OPCML: variants seen among roughly 807,000 people sequenced by gnomAD.
OPCML encodes opioid binding protein/cell adhesion molecule like.
In OPCML, 13 loss-of-function variants were observed where a neutral mutation model predicts 37.8. That is an observed-to-expected ratio of 0.34 (90% CI 0.22 to 0.55). The LOEUF (loss-of-function observed/expected upper bound fraction) is 0.55. Among genes scored for constraint, OPCML ranks in the 20% least tolerant of loss-of-function variants. The pLI, the probability that OPCML is intolerant of heterozygous loss-of-function variation, is 0.91. For synonymous variants in OPCML, 176 were observed against 168.8 expected (o/e 1.04, Z -0.33); for missense variants, 341 against 435.6 (o/e 0.78, Z 1.93).
At chr11:133,478,646 G>A (rs1947299319) in intron 1 of OPCML, among the ~76,000 whole-genome samples, 2 of 152,192 alleles carry the variant, frequency 1.3e-5, no homozygotes, top group Admixed American at 6.5e-5. Flanking sequence ...TTGAAGTACA[G>A]GATCTACTTC....
intron 1 of OPCML, among the ~76,000 whole-genome samples, chr11:133,518,701 A>G (rs1435533158): frequency 6.8e-6 from 1 of 146,024 alleles, no homozygotes; most frequent in Non-Finnish European, 1.5e-5. Flanking sequence ...TGGCGTGGGC[A>G]GTGGCAGGTG....
intron 1 of OPCML, among the ~76,000 whole-genome samples, chr11:132,995,910 A>G (rs1367091567): frequency 6.6e-6 from 1 of 152,232 alleles, no homozygotes; most frequent in African/African-American, 2.4e-5. Context: ...TGGAAAACAC[A>G]CAGGCTCTTG....
intron 1 of OPCML, among the ~76,000 whole-genome samples, chr11:133,294,787 C>CTTTTTTTTTT (rs5795836): frequency 9.1e-6 from 1 of 109,326 alleles, no homozygotes; most frequent in South Asian, 3.1e-4. Context: ...CAGAAACTTT[C>CTTTTTTTTTT]TTTTTTTTTT....
intron 2 of OPCML, among the ~76,000 whole-genome samples, chr11:132,821,741 CCT>C (rs1050763176): frequency 2.6e-5 from 4 of 152,122 alleles, no homozygotes; most frequent in African/African-American, 9.7e-5. Context: ...TATCTTCCCC[CCT>C]CTTTCCATCT....
At chr11:132,487,392 T>C (rs928845969) in intron 4 of OPCML, among the ~76,000 whole-genome samples, 1 of 152,190 alleles carries the variant, frequency 6.6e-6, no homozygotes, top group Non-Finnish European at 1.5e-5. Context: ...ATCTCCAACA[T>C]ACCCATGGGC....
chr11:132,587,736 G>T (rs2096476156), intron 3 of OPCML, among the ~76,000 whole-genome samples: 1 of 152,144 alleles, frequency 6.6e-6, no homozygotes, highest in Non-Finnish European at 1.5e-5. Flanking sequence ...CTTTTCTAAA[G>T]CTCCTCCCCT....
At chr11:132,574,083 A>C (rs979679237) in intron 3 of OPCML, among the ~76,000 whole-genome samples, 6 of 151,714 alleles carry the variant, frequency 4.0e-5, no homozygotes, top group African/African-American at 7.3e-5. Context: ...CTCTTCTTTC[A>C]ATTATGATTT....
chr11:132,727,519 C>T (rs566191308), intron 2 of OPCML, among the ~76,000 whole-genome samples: 2 of 152,288 alleles, frequency 1.3e-5, no homozygotes, highest in Admixed American at 6.5e-5. Flanking sequence ...ACGGAAGCCC[C>T]AGCTGCTCTC....
At chr11:132,966,272 G>T (rs536552967) in intron 1 of OPCML, among the ~76,000 whole-genome samples, 1 of 152,036 alleles carries the variant, frequency 6.6e-6, no homozygotes, top group East Asian at 1.9e-4. Flanking sequence ...AATTACCCTT[G>T]TGATTGTTTT....
intron 2 of OPCML, among the ~76,000 whole-genome samples, chr11:132,909,849 G>C (rs1944364078): frequency 6.6e-6 from 1 of 152,212 alleles, no homozygotes; most frequent in African/African-American, 2.4e-5. Context: ...GAGGCTTCTA[G>C]AATCTCCTGC....
chr11:133,400,014 G>A (rs1945368359), intron 1 of OPCML, among the ~76,000 whole-genome samples: 1 of 151,984 alleles, frequency 6.6e-6, no homozygotes, highest in African/African-American at 2.4e-5. Flanking sequence ...AAAGTAAGAG[G>A]GCCACCTGTC....
In OPCML at chr11:132,446,103, C is replaced by CTTTTTTTTTT. The variant is rs58784534; in HGVS notation, c.506-8754_506-8745dup. ...GTGTTTAGCTTGGCTCTGCTTGTGT[C>CTTTTTTTTTT]TTTTTTTTTTTTTTTTTTTTTTTTT... On this transcript the variant is annotated intron_variant, in intron 4 of 7. Coordinates refer to ENST00000524381, the MANE Select transcript of OPCML (RefSeq NM_001012393.5). 4.9e-4 allele frequency among the ~76,000 whole-genome samples: 24 copies of CTTTTTTTTTT among 48,516 alleles called. 5 individuals are homozygous for CTTTTTTTTTT. The highest frequency in any genetic ancestry group is 1.2e-3 in the African/African-American group (13 of 11,146). 31.8% of individuals were successfully genotyped at this position (48,516 alleles called of 152,430 possible).
At chr11:133,140,885 ACG>A in intron 1 of OPCML, among the ~76,000 whole-genome samples, 1 of 32,156 alleles carries the variant, frequency 3.1e-5, no homozygotes, top group Non-Finnish European at 1.1e-4. Context: ...GAAGACGACG[ACG>A]ACGACGAAGA....
chr11:132,939,630 A>C (rs1945508397), intron 2 of OPCML, among the ~76,000 whole-genome samples: 6 of 152,210 alleles, frequency 3.9e-5, no homozygotes, highest in Admixed American at 3.9e-4. Flanking sequence ...GACCCACAGA[A>C]GAACTCAAGC....
intron 1 of OPCML, among the ~76,000 whole-genome samples, chr11:133,189,317 C>T (rs1220957538): frequency 6.6e-6 from 1 of 152,072 alleles, no homozygotes; most frequent in East Asian, 1.9e-4. Flanking sequence ...GCTATCTGTC[C>T]CAGTTTATCC....
rs927160572 is a variant in OPCML, at chr11:132,620,901, G to A, written c.379+36186C>T. On this transcript the variant is annotated intron_variant, in intron 3 of 7. Transcript: ENST00000524381. The stretch of plus-strand genomic sequence containing the variant: ...TCATCTGAGGTTGGGTGCAGCAGAG[G>A]AGCCAGAGATTTTGGAGGCTCAGCT... Among the ~76,000 whole-genome samples, 5 of 152,172 alleles carry A rather than the reference G, an allele frequency of 3.3e-5. No individual in the cohort carries two copies. The East Asian group carries it at 5.8e-4, about 18-fold the overall frequency.
chr11:133,505,987 C>A (rs1339756282), intron 1 of OPCML, among the ~76,000 whole-genome samples: 1 of 152,192 alleles, frequency 6.6e-6, no homozygotes, highest in East Asian at 1.9e-4. Flanking sequence ...GTGGTTTTCA[C>A]CATGCACAAA....
intron 1 of OPCML, among the ~76,000 whole-genome samples, chr11:133,116,213 C>T (rs947052557): frequency 1.3e-5 from 2 of 152,250 alleles, no homozygotes; most frequent in South Asian, 2.1e-4. Context: ...GTGATACACC[C>T]GCCTCGGCCT....
chr11:132,687,100 A>C (rs2135873489), intron 2 of OPCML, among the ~76,000 whole-genome samples: 1 of 152,146 alleles, frequency 6.6e-6, no homozygotes, highest in African/African-American at 2.4e-5. Flanking sequence ...AAATGTAGGC[A>C]CTTGACAAAC....
Sources: allele counts gnomAD v4.1 joint callset (sites outside exome capture counted in the v4.1 genomes callset), GRCh38; gene constraint gnomAD v4.1.1; transcripts MANE v1.5; gene names NCBI Gene and HGNC (gene_info 2026-07-23, HGNC 2026-07-21).